CES5A: variants seen among roughly 807,000 people sequenced by gnomAD.
CES5A encodes the protein carboxylesterase 5.
In CES5A, 67 loss-of-function variants were observed where a neutral mutation model predicts 62.9. That is an observed-to-expected ratio of 1.07 (90% CI 0.88 to 1.31). The LOEUF is 1.31. Ranked by LOEUF, CES5A falls within the 50% of genes most tolerant of loss-of-function variation. The pLI, the probability that CES5A is intolerant of heterozygous loss-of-function variation, is 0.00. For synonymous variants in CES5A, 296 were observed against 280.8 expected (o/e 1.05, Z -0.54); for missense variants, 748 against 708.5 (o/e 1.06, Z -0.63).
chr16:55,947,779 G>A (rs1456995405), intron 2 of CES5A, among the ~76,000 whole-genome samples: 3 of 152,042 alleles, frequency 2.0e-5, no homozygotes, highest in Non-Finnish European at 4.4e-5. Context: ...AAGTAGGTCA[G>A]GAACAAGCTT....
At chr16:55,940,600 A>G (rs184782929) in intron 2 of CES5A, among the ~76,000 whole-genome samples, 55 of 152,114 alleles carry the variant, frequency 3.6e-4, no homozygotes, top group Admixed American at 3.3e-4. Flanking sequence ...CAAAATATTT[A>G]AAGAAGAAAA....
At chr16:55,853,088 C>G in intron 9 of CES5A, 60 bp from the exon 10 acceptor site, 1 of 1,552,962 alleles carries the variant, frequency 6.4e-7, no homozygotes, top group Non-Finnish European at 8.9e-7. Flanking sequence ...ACACGTTAAA[C>G]ACTCACCTGT....
chr16:55,876,187 T>C (rs2033690777), upstream of CES5A, among the ~76,000 whole-genome samples: 2 of 152,224 alleles, frequency 1.3e-5, no homozygotes, highest in Non-Finnish European at 2.9e-5. Flanking sequence ...TTCCCAAAGC[T>C]CAGCCCTAGA....
chr16:55,848,925 T>C (rs543146150), intron 11 of CES5A, among the ~76,000 whole-genome samples: 18 of 152,306 alleles, frequency 1.2e-4, no homozygotes, highest in African/African-American at 4.3e-4. Context: ...GATGAAAAAC[T>C]GAAATAATGA....
At chr16:55,953,085 T>C (rs185806557) in intron 1 of CES5A, among the ~76,000 whole-genome samples, 52 of 152,328 alleles carry the variant, frequency 3.4e-4, no homozygotes, top group Non-Finnish European at 4.1e-4. Flanking sequence ...TAGAAAGCAA[T>C]TGATGTTCCT....
chr16:55,928,580 A>G (rs1444948544), upstream of CES5A, among the ~76,000 whole-genome samples: 2 of 152,242 alleles, frequency 1.3e-5, no homozygotes, highest in African/African-American at 4.8e-5. Context: ...AATTTGTTTA[A>G]AAGATACTCA....
At chr16:55,867,936 T>G (rs2033497777) in intron 4 of CES5A, among the ~76,000 whole-genome samples, 1 of 152,206 alleles carries the variant, frequency 6.6e-6, no homozygotes, top group South Asian at 2.1e-4. Flanking sequence ...AGACAGTGCC[T>G]CCCAGTGGGG....
chr16:55,912,834 T>A (rs553920866), intron 1 of CES5A, among the ~76,000 whole-genome samples: 3 of 151,814 alleles, frequency 2.0e-5, no homozygotes, highest in Non-Finnish European at 4.4e-5. Flanking sequence ...CCCTGAGAGG[T>A]GAAGACAAAA....
At position 55,891,671 on chromosome 16, in the gene CES5A, G is replaced by A. The variant is rs574788692; in HGVS notation, c.-255-17634C>T. ...ATATGCATTTATCTCAGTGAGCAGAGGGATGACTTTGAATAGAATGGGAGG... is the reference window on the plus strand; with the variant it reads ...ATATGCATTTATCTCAGTGAGCAGAAGGATGACTTTGAATAGAATGGGAGG... On this transcript the variant is annotated intron_variant, in intron 1 of 12. Coordinates refer to the CES5A transcript ENST00000518005. 1.9e-3 allele frequency among the ~76,000 whole-genome samples: 294 copies of A among 152,282 alleles called. 2 individuals are homozygous for A. The highest frequency in any genetic ancestry group is 6.8e-3 in the Middle Eastern group (2 of 294).
chr16:55,855,404 T>C (rs1274055077), intron 9 of CES5A, among the ~76,000 whole-genome samples: 1 of 152,180 alleles, frequency 6.6e-6, no homozygotes, highest in Non-Finnish European at 1.5e-5. Flanking sequence ...GTTTGTGCAG[T>C]GAATGAATGA....
At chr16:55,850,674 A>G (rs182048140) in intron 10 of CES5A, among the ~76,000 whole-genome samples, 381 of 152,336 alleles carry the variant, frequency 2.5e-3, no homozygotes, top group South Asian at 0.023. Flanking sequence ...AATGAACAAG[A>G]GTGCTATGAA....
At chr16:55,892,394 A>G (rs547586245) in intron 1 of CES5A, among the ~76,000 whole-genome samples, 10 of 152,082 alleles carry the variant, frequency 6.6e-5, no homozygotes, top group Non-Finnish European at 1.2e-4. Context: ...CCTTGGGCAC[A>G]TGTTCTCTTG....
intron 2 of CES5A, among the ~76,000 whole-genome samples, chr16:55,935,300 A>C (rs2034362072): frequency 6.6e-6 from 1 of 152,238 alleles, no homozygotes; most frequent in Non-Finnish European, 1.5e-5. Flanking sequence ...TCCCAGCTCA[A>C]AACAGGCAGA....
In CES5A at chr16:55,856,395, A is replaced by T. The variant is rs772420813; in HGVS notation, c.1107T>A (p.His369Gln). Residue 369 changes from histidine to glutamine, a missense_variant, in exon 9 of 13, where the codon CAT (histidine) becomes CAA (glutamine). His to Gln is a conservative substitution (Grantham distance 24, BLOSUM62 0). Coordinates refer to ENST00000290567, the MANE Select transcript of CES5A (RefSeq NM_001143685.2). ...TACTCACCAGGATGTTTTGTATCAG[A>T]TGGAGGGCAAGGGACTTGTTGGAGC... ...LSGSNKSLAL[H>Q]LIQNILHIPP... 3 of 1,614,086 alleles carry T rather than the reference A, an allele frequency of 1.9e-6. No homozygotes were observed. The highest frequency in any genetic ancestry group is 2.7e-5 in the African/African-American group (2 of 75,032).
chr16:55,858,023 T>A (rs1168570242), intron 8 of CES5A, among the ~76,000 whole-genome samples: 1 of 152,018 alleles, frequency 6.6e-6, no homozygotes, highest in Admixed American at 6.6e-5. Context: ...GGTGAAACAC[T>A]GTCTCCACTA....
At chr16:55,947,501 C>A (rs1438279235) in intron 2 of CES5A, among the ~76,000 whole-genome samples, 1 of 152,108 alleles carries the variant, frequency 6.6e-6, no homozygotes, top group Non-Finnish European at 1.5e-5. Context: ...GAACAAAACA[C>A]TTCTCATAAA....
At chr16:55,942,352 G>A (rs1250625758) in intron 2 of CES5A, among the ~76,000 whole-genome samples, 1 of 152,122 alleles carries the variant, frequency 6.6e-6, no homozygotes, top group East Asian at 1.9e-4. Context: ...AACACATAAA[G>A]AATTCCTACA....
At chr16:55,939,141 A>C (rs535395943) in intron 2 of CES5A, among the ~76,000 whole-genome samples, 8 of 152,126 alleles carry the variant, frequency 5.3e-5, no homozygotes, top group Admixed American at 5.2e-4. Context: ...TTTCATCCCC[A>C]TAGGTAAATA....
chr16:55,872,481 C>A (rs894965324), intron 2 of CES5A, among the ~76,000 whole-genome samples: 10 of 152,194 alleles, frequency 6.6e-5, no homozygotes, highest in Non-Finnish European at 1.2e-4. Flanking sequence ...CCCAGCTCAA[C>A]TGTGAGCAGC....
Sources: gnomAD v4.1 joint callset for allele counts (sites outside exome capture counted in the v4.1 genomes callset) on GRCh38, gnomAD v4.1.1 for gene constraint, MANE v1.5 for transcripts, NCBI Gene and HGNC (gene_info 2026-07-23, HGNC 2026-07-21) for gene names.